Variants in DPY19L1 observed in about 807,000 individuals in gnomAD.
The protein encoded by DPY19L1 is dpy-19 like C-mannosyltransferase 1, also known as protein C-mannosyl-transferase DPY19L1.
A neutral mutation model predicts 96.9 loss-of-function variants in DPY19L1; 35 were observed. The ratio of observed to expected loss-of-function variants is 0.36; its 90% CI spans 0.28 to 0.48. The LOEUF (loss-of-function observed/expected upper bound fraction) is 0.48, where lower values mean the gene tolerates loss of function less well. Among genes scored for constraint, DPY19L1 ranks in the 20% least tolerant of loss-of-function variants. DPY19L1 has a pLI of 0.99. For missense variants in DPY19L1, 521 were observed against 777.9 expected, an observed-to-expected ratio of 0.67 and a Z score of 3.93; for synonymous variants, 205 against 252.6, an observed-to-expected ratio of 0.81 and a Z score of 1.79.
At position 34,937,986 on chromosome 7, in the gene DPY19L1, A is replaced by T. The variant is rs1184967143; in HGVS notation, c.2090+8T>A. 6.2e-7 allele frequency: 1 copy of T among 1,611,926 alleles called. No individual in the cohort carries two copies. Among genetic ancestry groups the T allele is most frequent in the African/African-American group, 1.3e-5 (1 of 74,830 alleles). Reference sequence around the variant, plus strand: ...TGATTATAAAATGTTAACTGTGTTGATACTCACTTGGATCTTCTTACACAC... The same window carrying T: ...TGATTATAAAATGTTAACTGTGTTGTTACTCACTTGGATCTTCTTACACAC... On this transcript the variant is annotated splice_region_variant and intron_variant, in intron 21 of 21. Coordinates refer to ENST00000638088, the MANE Select transcript of DPY19L1 (RefSeq NM_001366673.1).
At chr7:34,994,787 G>T (rs1431076708) in intron 6 of DPY19L1, among the ~76,000 whole-genome samples, 1 of 149,942 alleles carries the variant, frequency 6.7e-6, no homozygotes, top group East Asian at 2.0e-4. Context: ...CTGTGCGACA[G>T]AGCAAGATTC....
intron 21 of DPY19L1, among the ~76,000 whole-genome samples, chr7:34,935,297 C>T (rs1480897885): frequency 4.6e-5 from 7 of 152,018 alleles, no homozygotes; most frequent in Non-Finnish European, 1.0e-4. Flanking sequence ...CTATTTAGTC[C>T]TCATCTGAGT....
intron 1 of DPY19L1, among the ~76,000 whole-genome samples, chr7:35,033,073 T>G (rs1179925994): frequency 6.6e-6 from 1 of 152,214 alleles, no homozygotes; most frequent in Non-Finnish European, 1.5e-5. Context: ...CATTCCTCAA[T>G]GGCTTCCTGT....
At chr7:35,009,192 G>A (rs1310261100) in intron 6 of DPY19L1, among the ~76,000 whole-genome samples, 1 of 152,104 alleles carries the variant, frequency 6.6e-6, no homozygotes, top group East Asian at 1.9e-4. Context: ...TCAAACGGTG[G>A]GCTAGAAACT....
intron 10 of DPY19L1, among the ~76,000 whole-genome samples, chr7:34,962,904 T>C (rs1195835570): frequency 6.6e-6 from 1 of 151,724 alleles, no homozygotes; most frequent in Non-Finnish European, 1.5e-5. Context: ...TTAATTTTGC[T>C]ATAAACCTGG....
At chr7:35,008,814 G>A (rs868702183) in intron 6 of DPY19L1, among the ~76,000 whole-genome samples, 13 of 152,118 alleles carry the variant, frequency 8.5e-5, no homozygotes, top group African/African-American at 3.1e-4. Context: ...ATGTAATAAA[G>A]CTACCCATAG....
chr7:34,986,823 G>A (rs1785058664), intron 7 of DPY19L1, among the ~76,000 whole-genome samples: 2 of 151,942 alleles, frequency 1.3e-5, no homozygotes, highest in South Asian at 4.1e-4. Flanking sequence ...AATTTACTTT[G>A]AAGTACTTTC....
chr7:34,973,490 G>T, intron 8 of DPY19L1, 24 bp downstream of exon 8: 1 of 1,425,296 alleles, frequency 7.0e-7, no homozygotes, highest in Non-Finnish European at 9.3e-7. Context: ...AATGCAAAAA[G>T]AAATAAGGTT....
chr7:35,009,835 C>T (rs1344478992), intron 6 of DPY19L1, among the ~76,000 whole-genome samples: 5 of 152,158 alleles, frequency 3.3e-5, no homozygotes, highest in Non-Finnish European at 5.9e-5. Context: ...CACGTATACA[C>T]GTACATACAG....
intron 7 of DPY19L1, among the ~76,000 whole-genome samples, chr7:34,982,809 G>C (rs1005954633): frequency 2.0e-5 from 3 of 152,172 alleles, no homozygotes; most frequent in African/African-American, 7.2e-5. Context: ...CATGAATCTG[G>C]CAGATAAAGA....
At chr7:35,011,264 T>G (rs1785704082) in intron 5 of DPY19L1, 66 bp downstream of exon 5, 7 of 1,555,664 alleles carry the variant, frequency 4.5e-6, no homozygotes, top group African/African-American at 1.4e-5. Flanking sequence ...AGTGTAAGTT[T>G]ATTATGCTAG....
At chr7:34,941,728 A>C in intron 18 of DPY19L1, 37 bp downstream of exon 18, 3 of 1,593,152 alleles carry the variant, frequency 1.9e-6, no homozygotes, top group South Asian at 1.2e-5. Context: ...AAAGGCTAAA[A>C]TTATCATAGT....
At chr7:34,993,114 G>A (rs763167263) in intron 6 of DPY19L1, among the ~76,000 whole-genome samples, 7 of 152,086 alleles carry the variant, frequency 4.6e-5, no homozygotes, top group East Asian at 3.8e-4. Flanking sequence ...TCTAATTTGC[G>A]GCGTATTCTA....
chr7:34,966,525 C>T (rs1450466353), intron 10 of DPY19L1, among the ~76,000 whole-genome samples: 1 of 152,162 alleles, frequency 6.6e-6, no homozygotes, highest in Non-Finnish European at 1.5e-5. Flanking sequence ...CTCCTGGCGT[C>T]AAGTGAACCC....
At chr7:34,978,752 A>G (rs1193748948) in intron 7 of DPY19L1, among the ~76,000 whole-genome samples, 1 of 152,088 alleles carries the variant, frequency 6.6e-6, no homozygotes, top group East Asian at 1.9e-4. Flanking sequence ...ATTTTTTCAA[A>G]TTTTGGAATA....
upstream of DPY19L1, chr7:35,037,861 G>GGGCGGACGGCCTTCCGGA (rs1428833421): frequency 1.6e-6 from 2 of 1,235,856 alleles, no homozygotes; most frequent in Non-Finnish European, 2.0e-6. Flanking sequence ...GAGGACGCGG[G>GGGCGGACGGCCTTCCGGA]GGCGGACGGC....
chr7:35,037,610 C>T (rs1786466393), upstream of DPY19L1: 3 of 245,908 alleles, frequency 1.2e-5, no homozygotes, highest in African/African-American at 2.3e-5. Context: ...CGGCGCCGGA[C>T]TTGCTAGCCC....
chr7:35,026,816 A>C (rs2128682411), intron 1 of DPY19L1, among the ~76,000 whole-genome samples: 1 of 152,184 alleles, frequency 6.6e-6, no homozygotes, highest in South Asian at 2.1e-4. Context: ...CTCGTAAGAA[A>C]GTCATTCTTA....
chr7:34,996,423 A>C (rs563441513), intron 6 of DPY19L1, among the ~76,000 whole-genome samples: 49 of 152,082 alleles, frequency 3.2e-4, no homozygotes, highest in African/African-American at 8.9e-4. Flanking sequence ...CTATCCAACA[A>C]CTGCAGCCTC....
Sources: gnomAD v4.1 joint callset for allele counts (sites outside exome capture counted in the v4.1 genomes callset) on GRCh38, gnomAD v4.1.1 for gene constraint, MANE v1.5 for transcripts, NCBI Gene and HGNC (gene_info 2026-07-23, HGNC 2026-07-21) for gene names.